SPOCK3: variants seen among roughly 807,000 people sequenced by gnomAD.
SPOCK3 encodes the protein SPARC (osteonectin), cwcv and kazal like domains proteoglycan 3, also known as testican-3.
A neutral mutation model predicts 56.6 loss-of-function variants in SPOCK3; 30 were observed. The observed-to-expected ratio is 0.53, with a 90% CI of 0.40 to 0.72. SPOCK3 has a LOEUF of 0.72. Among genes scored for constraint, SPOCK3 ranks in the 30% least tolerant of loss-of-function variants. The pLI is 0.00. For missense variants in SPOCK3, 527 were observed against 530.0 expected (o/e 0.99, Z 0.06); for synonymous variants, 196 against 183.3 (o/e 1.07, Z -0.56).
At chr4:166,921,256 T>C (rs936175123) in intron 4 of SPOCK3, among the ~76,000 whole-genome samples, 2 of 152,104 alleles carry the variant, frequency 1.3e-5, no homozygotes, top group Non-Finnish European at 2.9e-5. Context: ...TTTTATCCTA[T>C]AGCATTTTTC....
At chr4:167,128,726 G>C (rs965293476) in intron 2 of SPOCK3, among the ~76,000 whole-genome samples, 3 of 152,154 alleles carry the variant, frequency 2.0e-5, no homozygotes, top group Non-Finnish European at 4.4e-5. Flanking sequence ...CTCATTCAAA[G>C]GGTTGGAAAC....
chr4:166,919,688 T>A (rs1738273141), intron 4 of SPOCK3, among the ~76,000 whole-genome samples: 1 of 152,182 alleles, frequency 6.6e-6, no homozygotes, highest in African/African-American at 2.4e-5. Context: ...CTTCATTGTA[T>A]AAGATATAAA....
chr4:166,900,202 T>A (rs1180568481), intron 5 of SPOCK3, among the ~76,000 whole-genome samples: 1 of 152,198 alleles, frequency 6.6e-6, no homozygotes, highest in Non-Finnish European at 1.5e-5. Context: ...GTGTCATATG[T>A]TTAGCTCTTT....
At chr4:166,908,301 CA>C (rs1736853738) in intron 5 of SPOCK3, among the ~76,000 whole-genome samples, 2 of 149,778 alleles carry the variant, frequency 1.3e-5, no homozygotes, top group African/African-American at 2.5e-5. Flanking sequence ...CACACACACA[CA>C]CACACACACC....
rs35401736 is a variant in SPOCK3, at chr4:167,028,406, A to ACAACAACAACAAC, written c.236-27944_236-27943insGTTGTTGTTGTTG. 5.3e-3 allele frequency among the ~76,000 whole-genome samples: 797 copies of ACAACAACAACAAC among 151,000 alleles called. 7 individuals are homozygous for ACAACAACAACAAC. Among genetic ancestry groups the ACAACAACAACAAC allele is most frequent in the African/African-American group, 0.019 (765 of 41,102 alleles). Reference sequence around the variant, plus strand: ...AACAACAACAACAACAACAACAACAAAAGAATAATCCTGCATGTGTACTAT... The same window carrying ACAACAACAACAAC: ...AACAACAACAACAACAACAACAACAACAACAACAACAACAAGAATAATCCTGCATGTGTACTAT... On this transcript the variant is annotated intron_variant, in intron 3 of 10. Transcript: ENST00000357545.
At chr4:167,154,603 C>T (rs963694776) in intron 2 of SPOCK3, among the ~76,000 whole-genome samples, 3 of 152,156 alleles carry the variant, frequency 2.0e-5, no homozygotes, top group Admixed American at 2.0e-4. Context: ...GTTTCTTCAA[C>T]ATTCATTTCC....
At chr4:167,171,570 G>A (rs1174502383) in intron 2 of SPOCK3, among the ~76,000 whole-genome samples, 1 of 151,964 alleles carries the variant, frequency 6.6e-6, no homozygotes, top group African/African-American at 2.4e-5. Context: ...TTAACCAAAT[G>A]ACCAAATTTT....
intron 2 of SPOCK3, among the ~76,000 whole-genome samples, chr4:167,217,901 TAC>T (rs1343954748): frequency 1.3e-5 from 2 of 149,430 alleles, no homozygotes; most frequent in African/African-American, 2.5e-5. Flanking sequence ...TATTTAAATA[TAC>T]AGTTTCATTA....
intron 7 of SPOCK3, among the ~76,000 whole-genome samples, chr4:166,766,600 T>C (rs940058842): frequency 1.2e-4 from 19 of 152,214 alleles, no homozygotes; most frequent in African/African-American, 4.3e-4. Context: ...CAGTATCTTA[T>C]TGAGGATTTT....
At chr4:167,159,866 A>C (rs1051278726) in intron 2 of SPOCK3, among the ~76,000 whole-genome samples, 2 of 152,152 alleles carry the variant, frequency 1.3e-5, no homozygotes, top group African/African-American at 4.8e-5. Context: ...ACTCTCAATA[A>C]ATTAGGTATT....
At chr4:167,151,108 C>T (rs1764377840) in intron 2 of SPOCK3, among the ~76,000 whole-genome samples, 1 of 152,158 alleles carries the variant, frequency 6.6e-6, no homozygotes, top group Non-Finnish European at 1.5e-5. Flanking sequence ...AATCTGTTGA[C>T]AGTTTTTTAG....
intron 3 of SPOCK3, among the ~76,000 whole-genome samples, chr4:167,056,666 A>C (rs1222304309): frequency 1.3e-5 from 2 of 152,226 alleles, no homozygotes; most frequent in Non-Finnish European, 2.9e-5. Context: ...CAATGCGATC[A>C]ACTGGAAGAA....
intron 2 of SPOCK3, among the ~76,000 whole-genome samples, chr4:167,079,609 G>GA (rs370994891): frequency 3.8e-4 from 58 of 150,656 alleles, no homozygotes; most frequent in South Asian, 2.9e-3. Flanking sequence ...ACATAAGAAA[G>GA]AAAAAAAAAT....
intron 3 of SPOCK3, among the ~76,000 whole-genome samples, chr4:167,008,495 T>C (rs771111475): frequency 6.6e-6 from 1 of 152,122 alleles, no homozygotes; most frequent in Non-Finnish European, 1.5e-5. Context: ...ATAATGATGT[T>C]ATGCAGGCTT....
chr4:166,754,606 T>C lies in SPOCK3; in HGVS notation c.833A>G (p.Asn278Ser). 1 of 1,613,782 alleles carries C rather than the reference T, an allele frequency of 6.2e-7. No homozygotes were observed. The highest frequency in any genetic ancestry group is 8.5e-7 in the Non-Finnish European group (1 of 1,179,790). ...GAAGAATGCCTTGGTACACTGTTCA[T>C]TCTTATCAAGGTAAATGCTTCTGAG... ...SELRSIYLDK[N>S]EQCTKAFFNS... is the part of the protein sequence containing the mutation. The change falls in exon 8 of 11, where the codon AAT (asparagine) becomes AGT (serine). Residue 278 changes from asparagine (N) to serine (S), a missense_variant. Asn to Ser is a conservative substitution (Grantham distance 46). Coordinates refer to ENST00000357545, the MANE Select transcript of SPOCK3 (RefSeq NM_001040159.2).
intron 2 of SPOCK3, among the ~76,000 whole-genome samples, chr4:167,116,305 T>C (rs1761320863): frequency 1.3e-5 from 2 of 150,784 alleles, no homozygotes; most frequent in Admixed American, 6.6e-5. Context: ...AGTTAAGATA[T>C]AGAAAATTAC....
chr4:166,841,065 C>T (rs756572925), intron 6 of SPOCK3, among the ~76,000 whole-genome samples: 6 of 151,502 alleles, frequency 4.0e-5, no homozygotes, highest in Admixed American at 2.6e-4. Flanking sequence ...GGCGTAAGCC[C>T]CCACGCCCGG....
chr4:166,945,771 T>G (rs1162630128), intron 4 of SPOCK3, among the ~76,000 whole-genome samples: 1 of 152,208 alleles, frequency 6.6e-6, no homozygotes, highest in East Asian at 1.9e-4. Flanking sequence ...CACATCCTGC[T>G]TCTACTGTTC....
At chr4:166,986,538 C>T (rs1170757893) in intron 4 of SPOCK3, among the ~76,000 whole-genome samples, 1 of 151,970 alleles carries the variant, frequency 6.6e-6, no homozygotes, top group African/African-American at 2.4e-5. Context: ...GTTTCCAAGC[C>T]ATCTTACCAT....
Sources: gnomAD v4.1 joint callset for allele counts (sites outside exome capture counted in the v4.1 genomes callset) on GRCh38, gnomAD v4.1.1 for gene constraint, MANE v1.5 for transcripts, NCBI Gene and HGNC (gene_info 2026-07-23, HGNC 2026-07-21) for gene names.